DOCK11: variants seen among roughly 807,000 people sequenced by gnomAD.
DOCK11 encodes the protein dedicator of cytokinesis protein 11.
A neutral mutation model predicts 169.1 loss-of-function variants in DOCK11; 70 were observed. The ratio of observed to expected loss-of-function variants is 0.41; its 90% confidence interval spans 0.34 to 0.51. DOCK11 has a LOEUF of 0.51. Among genes scored for constraint, DOCK11 ranks in the 20% least tolerant of loss-of-function variants. The pLI is 0.10. For synonymous variants in DOCK11, 529 were observed against 541.3 expected (o/e 0.98, Z 0.32); for missense variants, 1,166 against 1,538.8 (o/e 0.76, Z 4.05).
At chrX:118,525,481 A>G (rs894978703) in intron 1 of DOCK11, among the ~76,000 whole-genome samples, 1 of 111,779 alleles carries the variant, frequency 8.9e-6, no homozygotes, top group East Asian at 2.8e-4. Flanking sequence ...AGGCAAGTAC[A>G]TAGAGACAGA....
chrX:118,506,894 G>A (rs2057616243), intron 1 of DOCK11, among the ~76,000 whole-genome samples: 1 of 110,917 alleles, frequency 9.0e-6, no homozygotes, highest in East Asian at 2.8e-4. Context: ...GACCAGCCTG[G>A]GCAACATAGC....
chrX:118,553,963 C>A (rs2012590186), intron 6 of DOCK11, among the ~76,000 whole-genome samples: 1 of 111,806 alleles, frequency 8.9e-6, no homozygotes, highest in African/African-American at 3.3e-5. Flanking sequence ...GTGTCAGACA[C>A]TATTGGGTAT....
At chrX:118,560,132 A>T (rs780720012) in intron 6 of DOCK11, among the ~76,000 whole-genome samples, 2 of 111,285 alleles carry the variant, frequency 1.8e-5, no homozygotes, top group African/African-American at 6.5e-5. Flanking sequence ...AAAAAAATCA[A>T]TGATATTTAT....
intron 44 of DOCK11, among the ~76,000 whole-genome samples, chrX:118,657,502 C>A (rs1487081070): frequency 1.8e-5 from 2 of 111,373 alleles, no homozygotes; most frequent in African/African-American, 3.3e-5. Context: ...TTGCTGATGC[C>A]ATCTATTTTT....
chrX:118,572,373 A>G lies in DOCK11; in HGVS notation c.1086A>G (p.Lys362=), dbSNP rs1043619317. 8.3e-7 allele frequency: 1 copy of G among 1,205,866 alleles called. No individual in the cohort carries two copies. The highest frequency in any genetic ancestry group is 3.0e-5 in the East Asian group (1 of 33,793). ...IEPDIKPFEE[K]CNKRFLVNCH... Reference sequence around the variant, plus strand: ...CTGATATAAAGCCATTTGAAGAAAAATGCAATAAACGTTTCCTGGTGAATT... The same window carrying G: ...CTGATATAAAGCCATTTGAAGAAAAGTGCAATAAACGTTTCCTGGTGAATT... The change falls in exon 11 of 53, where the codon AAA becomes AAG. Residue 362 remains lysine (K), a synonymous_variant. Coordinates refer to ENST00000276202, the MANE Select transcript of DOCK11 (RefSeq NM_144658.4).
chrX:118,605,012 A>C (rs1411003599), intron 23 of DOCK11, among the ~76,000 whole-genome samples: 1 of 112,119 alleles, frequency 8.9e-6, no homozygotes, highest in African/African-American at 3.2e-5. Flanking sequence ...TATACTTATT[A>C]GCTTTAGTAA....
intron 46 of DOCK11, among the ~76,000 whole-genome samples, chrX:118,672,781 G>A (rs1477002851): frequency 8.9e-6 from 1 of 112,700 alleles, no homozygotes; most frequent in Admixed American, 9.4e-5. Context: ...CCTTGTTGAC[G>A]TGGTTTCTGA....
intron 7 of DOCK11, among the ~76,000 whole-genome samples, chrX:118,565,370 G>A (rs372010595): frequency 5.4e-5 from 6 of 112,129 alleles, no homozygotes; most frequent in African/African-American, 1.6e-4. Context: ...CCTCAAGTGT[G>A]TATCATTTAA....
rs1355058101 is a variant in DOCK11, at chrX:118,495,930, C to T, written c.-42C>T. 1.0e-6 allele frequency: 1 copy of T among 953,610 alleles called. No homozygotes were observed. Among genetic ancestry groups the T allele is most frequent in the Non-Finnish European group, 1.3e-6 (1 of 744,250 alleles). The allele number at this position is 953,610 out of a possible 1,213,427, so 78.6% of individuals were successfully genotyped here. A position where few individuals can be genotyped will look rare whatever the true frequency, so the allele number is the denominator to read the frequency against. On this transcript the variant is annotated 5_prime_UTR_variant, in exon 1 of 53. Transcript: ENST00000276202. ...CGGGGCAGTGAGTCCACCCGCCCGC[C>T]GAGGTCCGCCCGCCCGCCGAGACCC...
At position 118,496,029 on chromosome X, in the gene DOCK11, C is replaced by G. The variant is rs775004733; in HGVS notation, c.58C>G (p.Leu20Val). 9.1e-7 allele frequency: 1 copy of G among 1,094,863 alleles called. No homozygotes were observed. The highest frequency in any genetic ancestry group is 1.2e-6 in the Non-Finnish European group (1 of 842,837). The allele number at this position is 1,094,863 out of a possible 1,213,427, so 90.2% of individuals were successfully genotyped here. The change falls in exon 1 of 53, where the codon CTC (leucine) becomes GTC (valine). Residue 20 changes from leucine (L) to valine (V), a missense_variant. Coordinates refer to ENST00000276202, the MANE Select transcript of DOCK11 (RefSeq NM_144658.4). ...RLSKPGTAAE[L>V]RQSVSEAVRG... ...CAGCAAGCCTGGCACGGCGGCTGAG[C>G]TCCGGCAGAGCGTGTCTGAGGCCGT...
At chrX:118,571,629 C>T (rs1405067806) in intron 10 of DOCK11, among the ~76,000 whole-genome samples, 2 of 112,098 alleles carry the variant, frequency 1.8e-5, no homozygotes, top group Non-Finnish European at 3.8e-5. Context: ...TGATGCTTCC[C>T]ATACCCATTC....
In DOCK11 at chrX:118,641,219, C is replaced by T. The variant is rs920909212; in HGVS notation, c.4174C>T (p.His1392Tyr). 3.5e-5 allele frequency: 42 copies of T among 1,209,465 alleles called. No individual in the cohort carries two copies. The highest frequency in any genetic ancestry group is 4.3e-5 in the Admixed American group (2 of 46,001). The change falls in exon 39 of 53, where the codon CAC becomes TAC. Residue 1392 changes from histidine to tyrosine, a missense_variant. Transcript: ENST00000276202. ...SSTTTEADIF[H>Y]QALLEGNTAT... ...TACAACAACTGAAGCAGACATTTTC[C>T]ACCAGGCACTTCTTGAAGGCAATAC...
intron 10 of DOCK11, among the ~76,000 whole-genome samples, chrX:118,570,084 T>C (rs1391283615): frequency 8.9e-6 from 1 of 112,419 alleles, no homozygotes; most frequent in Non-Finnish European, 1.9e-5. Context: ...ATGTTGGTTA[T>C]GGAAGGCAGT....
chrX:118,585,113 A>G lies in DOCK11; in HGVS notation c.1791A>G (p.Leu597=). ...CAGTAGAATGTGTTCCTGTGGATTT[A>G]TCAAGTAAGAACATATTGCAAATAA... The part of the protein sequence containing the change: ...NITVECVPVD[L]SNCITSSYVP... Residue 597 remains leucine, a synonymous_variant, in exon 16 of 53, where the codon TTA becomes TTG. Coordinates refer to ENST00000276202, the MANE Select transcript of DOCK11 (RefSeq NM_144658.4). 1 of 1,192,735 alleles carries G rather than the reference A, an allele frequency of 8.4e-7. No individual in the cohort carries two copies. The highest frequency in any genetic ancestry group is 1.8e-5 in the South Asian group (1 of 56,384).
At chrX:118,673,439 T>C (rs963195409) in intron 46 of DOCK11, among the ~76,000 whole-genome samples, 1 of 111,456 alleles carries the variant, frequency 9.0e-6, no homozygotes, top group African/African-American at 3.3e-5. Context: ...GACACTGCAC[T>C]CCAGCCTTGG....
At chrX:118,547,165 C>A (rs1395594140) in intron 6 of DOCK11, among the ~76,000 whole-genome samples, 1 of 111,371 alleles carries the variant, frequency 9.0e-6, no homozygotes, top group East Asian at 2.8e-4. Flanking sequence ...TGCTCTGATA[C>A]CAAATATAAC....
At chrX:118,573,763 C>T in intron 11 of DOCK11, 43 bp from the exon 12 acceptor site, 5 of 1,109,841 alleles carry the variant, frequency 4.5e-6, no homozygotes, top group Non-Finnish European at 6.1e-6. Context: ...GCCATGCCCC[C>T]ACTAAAGTCT....
Position 118,578,666 on chromosome X carries a change from T to C in DOCK11, c.1512+19T>C. On this transcript the variant is annotated intron_variant, in intron 13 of 52. Coordinates refer to ENST00000276202, the MANE Select transcript of DOCK11 (RefSeq NM_144658.4). ...AGTAAAGGTAATTTATAAAGGTTGTTGATCAACATTTCACCTTAACGTAGA... is the reference window on the plus strand; with the variant it reads ...AGTAAAGGTAATTTATAAAGGTTGTCGATCAACATTTCACCTTAACGTAGA... 8.4e-7 allele frequency: 1 copy of C among 1,185,835 alleles called. No individual in the cohort carries two copies. Among genetic ancestry groups the C allele is most frequent in the Non-Finnish European group, 1.1e-6 (1 of 880,676 alleles).
chrX:118,570,938 A>G (rs1255594265), intron 10 of DOCK11, among the ~76,000 whole-genome samples: 4 of 111,971 alleles, frequency 3.6e-5, no homozygotes, highest in African/African-American at 1.3e-4. Flanking sequence ...TTCACACCCA[A>G]TATCTTCTTC....
Sources: gnomAD v4.1 joint callset for allele counts (sites outside exome capture counted in the v4.1 genomes callset) on GRCh38, gnomAD v4.1.1 for gene constraint, MANE v1.5 for transcripts, NCBI Gene and HGNC (gene_info 2026-07-23, HGNC 2026-07-21) for gene names.